Variants in NRCAM observed in about 807,000 individuals in gnomAD.
NRCAM encodes neuronal cell adhesion molecule.
NRCAM carries 83 observed loss-of-function variants against 156.5 expected under a neutral mutation model. That is an observed-to-expected ratio of 0.53 (90% CI 0.44 to 0.64). NRCAM has a LOEUF of 0.64. Among genes scored for constraint, NRCAM ranks in the 30% least tolerant of loss-of-function variants. The pLI is 0.00. For synonymous variants in NRCAM, 538 were observed against 563.9 expected (o/e 0.95, Z 0.65); for missense variants, 1,417 against 1,597.3 (o/e 0.89, Z 1.92).
At chr7:108,167,406 C>G (rs980709944) in intron 29 of NRCAM, among the ~76,000 whole-genome samples, 1 of 152,160 alleles carries the variant, frequency 6.6e-6, no homozygotes, top group Admixed American at 6.5e-5. Flanking sequence ...AGATGTTTCT[C>G]AAAAGAACTG....
chr7:108,211,501 C>T (rs964236202), intron 11 of NRCAM, among the ~76,000 whole-genome samples: 6 of 152,178 alleles, frequency 3.9e-5, no homozygotes, highest in African/African-American at 4.8e-5. Flanking sequence ...TCTCAAGCCC[C>T]GCTCACCCAC....
chr7:108,276,225 G>T (rs1490063359), intron 3 of NRCAM, among the ~76,000 whole-genome samples: 1 of 152,190 alleles, frequency 6.6e-6, no homozygotes, highest in Non-Finnish European at 1.5e-5. Flanking sequence ...TTGGGGTGGA[G>T]AGTTCTGTAG....
intron 28 of NRCAM, 87 bp from the exon 29 acceptor site, chr7:108,168,489 T>G: frequency 8.5e-7 from 1 of 1,171,896 alleles, no homozygotes; most frequent in Non-Finnish European, 1.1e-6. Flanking sequence ...ACTCTGAAAT[T>G]GTGCAAATAG....
At chr7:108,342,594 C>T (rs897544378) in intron 2 of NRCAM, among the ~76,000 whole-genome samples, 1 of 152,214 alleles carries the variant, frequency 6.6e-6, no homozygotes, top group Non-Finnish European at 1.5e-5. Flanking sequence ...TGTTAATAAG[C>T]TTGCCAACGG....
chr7:108,270,189 A>G (rs1563041207), intron 3 of NRCAM, among the ~76,000 whole-genome samples: 2 of 152,250 alleles, frequency 1.3e-5, no homozygotes, highest in Non-Finnish European at 2.9e-5. Flanking sequence ...GATAAAAGCA[A>G]TAGTTTGAGA....
At chr7:108,156,256 C>G in intron 32 of NRCAM, 1 of 977,368 alleles carries the variant, frequency 1.0e-6, no homozygotes, top group Non-Finnish European at 1.2e-6. Context: ...ACATGAATGA[C>G]AAGATTCATG....
At chr7:108,189,589 G>T (rs2069746186) in intron 20 of NRCAM, 56 bp downstream of exon 20, 1 of 770,196 alleles carries the variant, frequency 1.3e-6, no homozygotes, top group African/African-American at 1.7e-5. Flanking sequence ...CTGTTACAAA[G>T]TGCTTCAAAC....
chr7:108,194,412 C>T lies in NRCAM; in HGVS notation c.1480G>A (p.Gly494Arg), dbSNP rs143036997. 41 of 1,600,090 alleles carry T rather than the reference C, an allele frequency of 2.6e-5. No individual in the cohort carries two copies. In the African/African-American group the frequency reaches 4.7e-4, roughly 18 times the overall value. Residue 494 changes from glycine (G) to arginine (R), a missense_variant, in exon 16 of 33, where the codon GGA (glycine) becomes AGA (arginine). This residue lies in a region of NRCAM where 1,238 missense variants were observed against 1,336.4 expected (regional missense o/e 0.93). Transcript: ENST00000379028. ...PTIEWFKGAK[G>R]SALHEDIYVL... ...TAAATATCTTCATGAAGAGCACTTCCTTTAGCTCCTTTAAACCTTCATTAC... is the reference window on the plus strand; with the variant it reads ...TAAATATCTTCATGAAGAGCACTTCTTTTAGCTCCTTTAAACCTTCATTAC...
intron 2 of NRCAM, among the ~76,000 whole-genome samples, chr7:108,323,689 T>C (rs1258683295): frequency 6.6e-6 from 1 of 152,150 alleles, no homozygotes; most frequent in Non-Finnish European, 1.5e-5. Context: ...CTGCACTCAA[T>C]AGCTTATATT....
chr7:108,326,714 G>A (rs538840515), intron 2 of NRCAM, among the ~76,000 whole-genome samples: 9 of 152,122 alleles, frequency 5.9e-5, no homozygotes, highest in African/African-American at 9.7e-5. Context: ...CCTAGGGAAG[G>A]TTTACAGATT....
At chr7:108,288,877 T>G (rs1020829968) in intron 3 of NRCAM, among the ~76,000 whole-genome samples, 2 of 152,186 alleles carry the variant, frequency 1.3e-5, no homozygotes, top group African/African-American at 4.8e-5. Flanking sequence ...GGAGATATTA[T>G]TCATTTCTTT....
intron 1 of NRCAM, among the ~76,000 whole-genome samples, chr7:108,436,008 C>T (rs1489484375): frequency 1.3e-5 from 2 of 152,206 alleles, no homozygotes. Context: ...TTGGCGGGCA[C>T]CTGTAGTCCC....
At chr7:108,263,268 G>T (rs1269097818) in intron 3 of NRCAM, among the ~76,000 whole-genome samples, 2 of 152,182 alleles carry the variant, frequency 1.3e-5, no homozygotes, top group African/African-American at 2.4e-5. Flanking sequence ...TCACAGAAAA[G>T]AATTTCATTT....
intron 1 of NRCAM, among the ~76,000 whole-genome samples, chr7:108,435,042 A>AC (rs1830422590): frequency 1.3e-5 from 2 of 151,732 alleles, no homozygotes; most frequent in South Asian, 4.2e-4. Flanking sequence ...AGGAAAAAAA[A>AC]AACTATCAAT....
At chr7:108,213,424 T>A (rs2085886791) in intron 11 of NRCAM, among the ~76,000 whole-genome samples, 1 of 152,154 alleles carries the variant, frequency 6.6e-6, no homozygotes, top group African/African-American at 2.4e-5. Context: ...CATCTCAATA[T>A]TAACATTGAA....
chr7:108,213,921 C>A (rs1219304258), intron 11 of NRCAM, among the ~76,000 whole-genome samples: 2 of 152,130 alleles, frequency 1.3e-5, no homozygotes, highest in Non-Finnish European at 1.5e-5. Flanking sequence ...TATGTTGAAC[C>A]AGCCTTGCAT....
At chr7:108,273,286 T>A (rs2097445420) in intron 3 of NRCAM, among the ~76,000 whole-genome samples, 1 of 152,196 alleles carries the variant, frequency 6.6e-6, no homozygotes, top group South Asian at 2.1e-4. Flanking sequence ...CTGGGTCAAA[T>A]GGTATTTCTA....
chr7:108,302,039 T>C (rs190897919), intron 3 of NRCAM, among the ~76,000 whole-genome samples: 7 of 151,008 alleles, frequency 4.6e-5, no homozygotes, highest in African/African-American at 1.7e-4. Context: ...CCTTTCTAAA[T>C]AGTGACCAAA....
At chr7:108,445,911 G>A (rs979088555) in intron 1 of NRCAM, among the ~76,000 whole-genome samples, 3 of 152,172 alleles carry the variant, frequency 2.0e-5, no homozygotes, top group Non-Finnish European at 1.5e-5. Context: ...TACAGCATGA[G>A]AGCTTCTGAT....
Sources: allele counts gnomAD v4.1 joint callset (sites outside exome capture counted in the v4.1 genomes callset), GRCh38; gene constraint gnomAD v4.1.1; regional missense constraint gnomAD v4.1.1; transcripts MANE v1.5; gene names NCBI Gene and HGNC (gene_info 2026-07-23, HGNC 2026-07-21).